The following TAF5L variants were observed in gnomAD, a reference collection of about 807,000 sequenced individuals.
TAF5L encodes the protein TATA-box binding protein associated factor 5 like, also known as TAF5-like RNA polymerase II p300/CBP-associated factor-associated factor 65 kDa subunit 5L.
In TAF5L, 7 loss-of-function variants were observed where a neutral mutation model predicts 51.3. The observed-to-expected ratio is 0.14, with a 90% CI of 0.08 to 0.26. The LOEUF is 0.26. Among genes scored for constraint, TAF5L ranks in the 10% least tolerant of loss-of-function variants. The probability of loss-of-function intolerance (pLI) is 1.00; values close to 1 mark genes in which losing one functional copy is unlikely to be tolerated. For missense variants in TAF5L, 575 were observed against 758.9 expected (o/e 0.76, Z 2.85); for synonymous variants, 291 against 308.1 (o/e 0.94, Z 0.58).
rs1193745607 is a variant in TAF5L at position 229,625,894 on chromosome 1, C to T, written c.-13G>A. On this transcript the variant is annotated 5_prime_UTR_variant, in exon 1 of 5. Transcript: ENST00000258281. This position sits in a 1 kb window ranked among gnomAD's most constrained non-coding sequence, Gnocchi z 4.0. ...TGCTCCCGGCACTCACTGAACATCC[C>T]AGGCGGCTCCGGCTCCCCCCGCCGC... 3 of 145,638 alleles carry T rather than the reference C, an allele frequency of 2.1e-5. No individual in the cohort carries two copies. The highest frequency in any genetic ancestry group is 4.6e-5 in the Non-Finnish European group (3 of 65,572). The allele number at this position is 145,638 out of a possible 1,614,324, so 9.0% of individuals were successfully genotyped here.
chr1:229,596,033 G>T (rs1386894206), intron 4 of TAF5L, among the ~76,000 whole-genome samples: 1 of 152,172 alleles, frequency 6.6e-6, no homozygotes, highest in Admixed American at 6.5e-5. Context: ...CAACAGTTTG[G>T]GAGGCCAAGG....
intron 1 of TAF5L, among the ~76,000 whole-genome samples, chr1:229,619,750 C>T (rs974044985): frequency 6.6e-6 from 1 of 152,138 alleles, no homozygotes; most frequent in Non-Finnish European, 1.5e-5. Context: ...CCACCCTTCA[C>T]GATCTCTCAG....
At position 229,602,824 on chromosome 1, in the gene TAF5L, T is replaced by C. The variant is rs771177322; in HGVS notation, c.343A>G (p.Thr115Ala). The C allele has an allele frequency of 6.2e-7, 1 of 1,613,302 alleles. No individual in the cohort carries two copies. Among genetic ancestry groups the C allele is most frequent in the African/African-American group, 1.3e-5 (1 of 74,932 alleles). The change falls in exon 4 of 5, where the codon ACA becomes GCA. Residue 115 changes from threonine to alanine, a missense_variant. By Grantham distance (58) the Thr-to-Ala change is moderately conservative. Around this residue, in one of 3 missense-constraint regions of TAF5L, gnomAD observed 380 missense variants for 443.7 expected, o/e 0.86. Transcript: ENST00000258281. This position sits in a 1 kb window ranked among gnomAD's most constrained non-coding sequence, Gnocchi z 4.6. The stretch of plus-strand genomic sequence containing the variant: ...AAGCGGCTGTAAAAACTTTCCACTG[T>C]GCTCTTCGGACTGTTTTGGACCAGG...
chr1:229,614,561 G>T (rs773446364), intron 1 of TAF5L, 76 bp from the exon 2 acceptor site: 10 of 1,569,108 alleles, frequency 6.4e-6, no homozygotes, highest in Non-Finnish European at 8.7e-6. Context: ...CACCATCGCA[G>T]ATGGGTAGGA....
chr1:229,614,629 A>C lies in TAF5L; in HGVS notation c.-3-144T>G, dbSNP rs1247479077. The C allele has an allele frequency of 3.1e-6, 3 of 963,544 alleles. No individual in the cohort carries two copies. The African/African-American group carries it at 4.9e-5, about 16-fold the overall frequency. The allele number at this position is 963,544 out of a possible 1,614,324, so 59.7% of individuals were successfully genotyped here. A position where few individuals can be genotyped will look rare whatever the true frequency, so the allele number is the denominator to read the frequency against. ...AGTGGCCTAGTTAAGACGCAAATCTAAGTTCCCTAATACCAACGTGGTATA... is the reference window on the plus strand; with the variant it reads ...AGTGGCCTAGTTAAGACGCAAATCTCAGTTCCCTAATACCAACGTGGTATA... On this transcript the variant is annotated intron_variant, in intron 1 of 4. Coordinates refer to ENST00000258281, the Ensembl canonical transcript of TAF5L.
chr1:229,610,684 C>T (rs958524906), intron 2 of TAF5L, among the ~76,000 whole-genome samples: 1 of 152,098 alleles, frequency 6.6e-6, no homozygotes, highest in Non-Finnish European at 1.5e-5. Context: ...ATTTCAAGGT[C>T]GGATATCCTG....
At chr1:229,611,791 T>C (rs536973799) in intron 2 of TAF5L, among the ~76,000 whole-genome samples, 1 of 152,190 alleles carries the variant, frequency 6.6e-6, no homozygotes, top group Non-Finnish European at 1.5e-5. Context: ...TTTCTAAAAT[T>C]CACATTTGAA....
intron 4 of TAF5L, chr1:229,600,313 T>TA (rs886071224): frequency 8.5e-5 from 84 of 984,906 alleles, no homozygotes; most frequent in African/African-American, 3.2e-4. Flanking sequence ...TTCTTAAGTT[T>TA]AAAAAAAAGG....
rs547288132 is a variant in TAF5L at position 229,625,683 on chromosome 1, G to A, written c.-4+202C>T. Among the ~76,000 whole-genome samples the A allele has an allele frequency of 5.4e-5, 8 of 148,742 alleles. No homozygotes were observed. The highest frequency in any genetic ancestry group is 1.0e-4 in the Non-Finnish European group (7 of 66,878). On this transcript the variant is annotated intron_variant, in intron 1 of 4. Coordinates refer to ENST00000258281, the Ensembl canonical transcript of TAF5L. The surrounding 1 kb of genome is among the most constrained non-coding windows in gnomAD (Gnocchi z 4.0). Reference sequence around the variant, plus strand: ...GCCGCAGCCCGGGACTCGGGAGGCCGAGGGCGGAGGCGCGGCCGTCGCGCC... The same window carrying A: ...GCCGCAGCCCGGGACTCGGGAGGCCAAGGGCGGAGGCGCGGCCGTCGCGCC...
chr1:229,600,262 G>A, intron 4 of TAF5L: 1 of 985,264 alleles, frequency 1.0e-6, no homozygotes, highest in African/African-American at 1.7e-5. Context: ...CGGGCATGCA[G>A]GAAGCCCCTC....
intron 4 of TAF5L, among the ~76,000 whole-genome samples, chr1:229,598,457 C>T (rs1664212468): frequency 6.6e-6 from 1 of 151,992 alleles, no homozygotes; most frequent in Non-Finnish European, 1.5e-5. Flanking sequence ...CTTTTCAAAC[C>T]TAAAGAAGAC....
At chr1:229,600,777 T>C (rs758379806) in intron 4 of TAF5L, 273 of 985,316 alleles carry the variant, frequency 2.8e-4, no homozygotes, top group Non-Finnish European at 3.1e-4. Flanking sequence ...TAGTTACCAG[T>C]AGTGGCCAGA....
intron 4 of TAF5L, chr1:229,600,087 T>C (rs1402005397): frequency 5.1e-6 from 5 of 979,098 alleles, no homozygotes; most frequent in East Asian, 2.3e-4. Flanking sequence ...AAAATAATAG[T>C]CTGTTTTAAT....
rs1664032049 is a variant in TAF5L at position 229,594,291 on chromosome 1, A to G, written c.*6T>C. 1 of 1,602,392 alleles carries G rather than the reference A, an allele frequency of 6.2e-7. No individual in the cohort carries two copies. Among genetic ancestry groups the G allele is most frequent in the African/African-American group, 1.3e-5 (1 of 74,626 alleles). ...TACCCCAGTCCGTTCCAACAAAGTT[A>G]AAAAATTAATGTTCCTGATTTTCTT... On this transcript the variant is annotated 3_prime_UTR_variant, in exon 5 of 5. Transcript: ENST00000258281. The surrounding 1 kb of genome is among the most constrained non-coding windows in gnomAD (Gnocchi z 7.9).
At chr1:229,599,818 G>A (rs1164948453) in intron 4 of TAF5L, 1 of 985,344 alleles carries the variant, frequency 1.0e-6, no homozygotes, top group Non-Finnish European at 1.2e-6. Flanking sequence ...TGCTGGGTGT[G>A]AACACCGTTT....
chr1:229,616,928 AAAG>A (rs1454077395), intron 1 of TAF5L, among the ~76,000 whole-genome samples: 5 of 152,350 alleles, frequency 3.3e-5, no homozygotes, highest in Middle Eastern at 3.4e-3. Context: ...TGATTGTTAA[AAAG>A]AAGGAACACT....
At chr1:229,601,543 C>T (rs1664372430) in intron 4 of TAF5L, 3 of 985,402 alleles carry the variant, frequency 3.0e-6, no homozygotes, top group East Asian at 1.1e-4. Flanking sequence ...CTGTCCTAAA[C>T]GGTTACAAGC....
intron 3 of TAF5L, chr1:229,606,738 T>G: frequency 3.0e-6 from 3 of 985,438 alleles, no homozygotes; most frequent in Non-Finnish European, 3.6e-6. Flanking sequence ...TCCATGATCA[T>G]GTTTAAGAGT....
In TAF5L at chr1:229,617,360, A is replaced by G. The variant is rs559152013; in HGVS notation, c.-3-2875T>C. 6.6e-5 allele frequency among the ~76,000 whole-genome samples: 10 copies of G among 152,278 alleles called. No individual in the cohort carries two copies. The East Asian group carries it at 1.7e-3, about 26-fold the overall frequency. ...CCCAAAGTCAAGACGAGTCAATCCA[A>G]CCAGTGCCTCTTCCTATCACTTGCT... On this transcript the variant is annotated intron_variant, in intron 1 of 4. Coordinates refer to ENST00000258281, the Ensembl canonical transcript of TAF5L.
Sources: gnomAD v4.1 joint callset for allele counts (sites outside exome capture counted in the v4.1 genomes callset) on GRCh38, gnomAD v4.1.1 for gene constraint, gnomAD v4.1.1 regional missense constraint, Gnocchi (gnomAD v3.1) non-coding constraint, MANE v1.5 for transcripts, NCBI Gene and HGNC (gene_info 2026-07-23, HGNC 2026-07-21) for gene names.